Variants in MCM10 observed in about 807,000 individuals in gnomAD.
MCM10 encodes minichromosome maintenance 10 replication initiation factor, also known as protein MCM10 homolog.
In MCM10, 91 loss-of-function variants were observed where a neutral mutation model predicts 109.9. The ratio of observed to expected loss-of-function variants is 0.83; its 90% CI spans 0.70 to 0.99. The LOEUF (loss-of-function observed/expected upper bound fraction) is 0.99. Among genes scored for constraint, MCM10 ranks in the 50% least tolerant of loss-of-function variants. MCM10 has a pLI of 0.00. For synonymous variants in MCM10, 380 were observed against 387.2 expected (o/e 0.98, Z 0.22); for missense variants, 1,077 against 1,061.2 (o/e 1.01, Z -0.21).
chr10:13,208,040 T>C (rs1042847187), intron 18 of MCM10, among the ~76,000 whole-genome samples: 2 of 152,008 alleles, frequency 1.3e-5, no homozygotes, highest in African/African-American at 2.4e-5. Context: ...GTTTTCACCA[T>C]AGTGTTCACA....
chr10:13,193,728 A>G (rs1368594794), intron 13 of MCM10, among the ~76,000 whole-genome samples: 1 of 152,188 alleles, frequency 6.6e-6, no homozygotes, highest in Non-Finnish European at 1.5e-5. Context: ...CCTACAGATG[A>G]CATAAATTAT....
intron 13 of MCM10, among the ~76,000 whole-genome samples, chr10:13,194,632 G>T (rs757295248): frequency 6.6e-6 from 1 of 152,174 alleles, no homozygotes; most frequent in Non-Finnish European, 1.5e-5. Context: ...TGTCTCACAT[G>T]TATTGTCTCT....
intron 6 of MCM10, among the ~76,000 whole-genome samples, chr10:13,177,013 T>C (rs920888327): frequency 1.3e-5 from 2 of 152,202 alleles, no homozygotes; most frequent in African/African-American, 4.8e-5. Flanking sequence ...AAGCTGTGGT[T>C]CTCATTGAGG....
chr10:13,191,107 A>C (rs900734194), intron 10 of MCM10, among the ~76,000 whole-genome samples, 192 bp from the exon 11 acceptor site: 3 of 152,056 alleles, frequency 2.0e-5, no homozygotes, highest in Admixed American at 6.6e-5. Flanking sequence ...GGCTGCCTCT[A>C]GCTTTTCCTC....
At chr10:13,164,914 A>T (rs1264342650) in intron 2 of MCM10, among the ~76,000 whole-genome samples, 3 of 152,180 alleles carry the variant, frequency 2.0e-5, no homozygotes, top group Admixed American at 2.0e-4. Context: ...AATTAAAATG[A>T]TTGTGCTGGT....
At chr10:13,188,837 A>C (rs6602641) in intron 9 of MCM10, 44 bp from the exon 10 acceptor site, 2 of 1,548,944 alleles carry the variant, frequency 1.3e-6, no homozygotes, top group Admixed American at 3.3e-5. Flanking sequence ...GCTGTTTCCC[A>C]GCCTGTTGCC....
chr10:13,187,831 C>T (rs961470251), intron 9 of MCM10, among the ~76,000 whole-genome samples: 2 of 151,978 alleles, frequency 1.3e-5, no homozygotes, highest in Admixed American at 6.6e-5. Context: ...CAGATCTCCC[C>T]GTGAGAATTA....
At chr10:13,206,927 C>A (rs981416799) in intron 18 of MCM10, among the ~76,000 whole-genome samples, 1 of 152,080 alleles carries the variant, frequency 6.6e-6, no homozygotes, top group Non-Finnish European at 1.5e-5. Context: ...GCTTCTGCCT[C>A]CTGAGTAGCT....
chr10:13,196,278 A>C (rs1834419891), intron 14 of MCM10, among the ~76,000 whole-genome samples: 1 of 152,126 alleles, frequency 6.6e-6, no homozygotes, highest in Admixed American at 6.5e-5. Context: ...GCTGCGGCTG[A>C]AGTAGGGGTA....
chr10:13,175,606 T>A lies in MCM10; in HGVS notation c.689T>A (p.Ile230Asn). The A allele has an allele frequency of 6.2e-7, 1 of 1,613,812 alleles. No homozygotes were observed. Among genetic ancestry groups the A allele is most frequent in the Non-Finnish European group, 8.5e-7 (1 of 1,179,732 alleles). ...NKPSGITRGQ[I>N]VGTPGSSGET... ...CCTAGTGGGATAACTAGAGGTCAAA[T>A]TGTGGGGACCCCAGGAAGTTCTGGG... The change falls in exon 6 of 20, where the codon ATT (isoleucine) becomes AAT (asparagine). Residue 230 changes from isoleucine to asparagine, a missense_variant. By Grantham distance (149) the Ile-to-Asn change is moderately radical (BLOSUM62 -3). Transcript: ENST00000378714.
At chr10:13,180,712 T>C in intron 7 of MCM10, 105 bp downstream of exon 7, 1 of 1,275,878 alleles carries the variant, frequency 7.8e-7, no homozygotes, top group Non-Finnish European at 1.1e-6. Context: ...CATTTAGAAA[T>C]AAGTATAGTA....
chr10:13,181,637 A>G lies in MCM10; in HGVS notation c.930+1030A>G, dbSNP rs142573877. 7.6e-3 allele frequency among the ~76,000 whole-genome samples: 1,150 copies of G among 152,268 alleles called. 18 individuals carry two copies. Among genetic ancestry groups the G allele is most frequent in the African/African-American group, 0.026 (1,077 of 41,544 alleles). ...AAACCATCATGACACACGTTTACCTATGTAACAAACCTGCACATCCTGCAC... is the reference window on the plus strand; with the variant it reads ...AAACCATCATGACACACGTTTACCTGTGTAACAAACCTGCACATCCTGCAC... On this transcript the variant is annotated intron_variant, in intron 7 of 19. Coordinates refer to ENST00000378714, the MANE Select transcript of MCM10 (RefSeq NM_018518.5).
intron 1 of MCM10, among the ~76,000 whole-genome samples, chr10:13,162,198 C>T (rs1343869702): frequency 1.3e-5 from 2 of 152,034 alleles, no homozygotes; most frequent in African/African-American, 2.4e-5. Flanking sequence ...CGGGCTGGCC[C>T]GGCTGGAGCA....
chr10:13,200,878 C>T (rs1237583729), intron 16 of MCM10, among the ~76,000 whole-genome samples: 2 of 152,236 alleles, frequency 1.3e-5, no homozygotes, highest in Non-Finnish European at 2.9e-5. Context: ...GGTGCGGTGG[C>T]TCATGCCTGT....
intron 2 of MCM10, among the ~76,000 whole-genome samples, chr10:13,168,011 G>A (rs1019060109): frequency 2.0e-5 from 3 of 152,156 alleles, no homozygotes; most frequent in African/African-American, 7.2e-5. Context: ...TGAGGTAAAC[G>A]GGGTTGTGAG....
intron 15 of MCM10, 100 bp downstream of exon 15, chr10:13,197,867 C>T: frequency 8.2e-7 from 1 of 1,221,146 alleles, no homozygotes; most frequent in Non-Finnish European, 1.1e-6. Flanking sequence ...CAATTACTTC[C>T]ATTTCCTCCT....
intron 1 of MCM10, 126 bp from the exon 2 acceptor site, chr10:13,164,002 G>C (rs965197616): frequency 4.3e-5 from 17 of 396,676 alleles, no homozygotes; most frequent in Non-Finnish European, 7.2e-5. Context: ...GTGAGAAATG[G>C]TCAGATTCTG....
In MCM10 at chr10:13,196,106, C is replaced by A. The variant is rs12240283; in HGVS notation, c.1974+837C>A. Among the ~76,000 whole-genome samples, 1,359 of 152,100 alleles carry A rather than the reference C, an allele frequency of 8.9e-3. 21 individuals carry two copies. Among genetic ancestry groups the A allele is most frequent in the African/African-American group, 0.031 (1,304 of 41,484 alleles). ...TATTTTTTGTAGAGATGGGGGCCTC[C>A]CTTTGCTGCCCAAGCTGGTCTTGCA... On this transcript the variant is annotated intron_variant, in intron 14 of 19. Coordinates refer to ENST00000378714, the MANE Select transcript of MCM10 (RefSeq NM_018518.5).
In MCM10 at chr10:13,180,489, GA is replaced by G. The variant is rs1564384876; in HGVS notation, c.816del (p.Lys272AsnfsTer2). On this transcript the variant is annotated frameshift_variant, in exon 7 of 20. Transcript: ENST00000378714. LOFTEE classifies it high-confidence loss of function. The part of the protein sequence containing the change: ...STEMNKKMTG[R>X]KLIRLSQIKE... ...GAAATGAACAAGAAAATGACCGGCC[GA>G]AAACTGATCAGACTGTCTCAGATCA... 6.2e-7 allele frequency: 1 copy of G among 1,613,946 alleles called. No individual in the cohort carries two copies. Among genetic ancestry groups the G allele is most frequent in the Admixed American group, 1.7e-5 (1 of 59,972 alleles).
Sources: allele counts gnomAD v4.1 joint callset (sites outside exome capture counted in the v4.1 genomes callset), GRCh38; gene constraint gnomAD v4.1.1; transcripts MANE v1.5; gene names NCBI Gene and HGNC (gene_info 2026-07-23, HGNC 2026-07-21).